ADAM11: variants seen among roughly 807,000 people sequenced by gnomAD.
The protein encoded by ADAM11 is disintegrin and metalloproteinase domain-containing protein 11.
Under a neutral mutation model 119.1 loss-of-function variants are expected in ADAM11, and 49 were observed. That is an observed-to-expected ratio of 0.41 (90% CI 0.33 to 0.52). ADAM11 has a LOEUF of 0.52. Among genes scored for constraint, ADAM11 ranks in the 20% least tolerant of loss-of-function variants. ADAM11 has a pLI of 0.20. For synonymous variants in ADAM11, 364 were observed against 408.0 expected, an observed-to-expected ratio of 0.89 and a Z score of 1.30; for missense variants, 777 against 1,047.5, an observed-to-expected ratio of 0.74 and a Z score of 3.56.
Position 44,775,535 on chromosome 17 carries a change from G to T in ADAM11, c.1393-49G>T. The stretch of plus-strand genomic sequence containing the variant: ...GTGGGCACGAGGGAGCGTCTGAGTG[G>T]GAGGATTAGGGCTCGCCCGCCTCCT... On this transcript the variant is annotated intron_variant, in intron 16 of 26. Coordinates refer to ENST00000200557, the MANE Select transcript of ADAM11 (RefSeq NM_002390.6). This position sits in a 1 kb window ranked among gnomAD's most constrained non-coding sequence, Gnocchi z 7.5. 6.4e-7 allele frequency: 1 copy of T among 1,565,562 alleles called. No homozygotes were observed.
At chr17:44,761,741 A>C (rs1019918523) in intron 2 of ADAM11, among the ~76,000 whole-genome samples, 7 of 151,872 alleles carry the variant, frequency 4.6e-5, no homozygotes, top group African/African-American at 1.7e-4. Flanking sequence ...AAAGCTGTGG[A>C]CTTCTATGGG....
chr17:44,760,881 G>A (rs1209334534), intron 2 of ADAM11, among the ~76,000 whole-genome samples: 1 of 152,134 alleles, frequency 6.6e-6, no homozygotes, highest in Non-Finnish European at 1.5e-5. Flanking sequence ...GGGGAGCAGA[G>A]GGGGATGCGG....
At chr17:44,771,413 G>A (rs988148555) in intron 4 of ADAM11, among the ~76,000 whole-genome samples, 171 bp from the exon 5 acceptor site, 2 of 152,120 alleles carry the variant, frequency 1.3e-5, no homozygotes, top group East Asian at 1.9e-4. Context: ...AGGGTGGCAC[G>A]GCAAATTAGG....
At position 44,777,120 on chromosome 17, in the gene ADAM11, G is replaced by T; in HGVS notation, c.1682-46G>T. On this transcript the variant is annotated intron_variant, in intron 20 of 26. Transcript: ENST00000200557. This position sits in a 1 kb window ranked among gnomAD's most constrained non-coding sequence, Gnocchi z 5.1. ...GGAGATGCAGGCCTGAGGTCTTGGGGTGGGTCCTGGGGCGCGTGGGGTCAC... is the reference window on the plus strand; with the variant it reads ...GGAGATGCAGGCCTGAGGTCTTGGGTTGGGTCCTGGGGCGCGTGGGGTCAC... 1 of 1,562,480 alleles carries T rather than the reference G, an allele frequency of 6.4e-7. No homozygotes were observed. The highest frequency in any genetic ancestry group is 8.7e-7 in the Non-Finnish European group (1 of 1,151,390).
chr17:44,759,403 G>C, intron 1 of ADAM11, 143 bp downstream of exon 1: 2 of 1,258,338 alleles, frequency 1.6e-6, no homozygotes, highest in South Asian at 5.7e-5. Flanking sequence ...AGCGGGAGAG[G>C]AGGGAAGGTG....
Position 44,780,009 on chromosome 17 carries a change from C to T in ADAM11, c.*255C>T. On this transcript the variant is annotated 3_prime_UTR_variant, in exon 27 of 27. Transcript: ENST00000200557. ...CGGCTCAGCCTTGCACACCCACTGCCCCGTGTGAATGTAGCTTCCACCTCA... is the reference window on the plus strand; with the variant it reads ...CGGCTCAGCCTTGCACACCCACTGCTCCGTGTGAATGTAGCTTCCACCTCA... The T allele has an allele frequency of 1.4e-6, 1 of 702,286 alleles. No homozygotes were observed. Among genetic ancestry groups the T allele is most frequent in the East Asian group, 2.7e-5 (1 of 37,112 alleles). The allele number at this position is 702,286 out of a possible 1,614,324, so 43.5% of individuals were successfully genotyped here.
chr17:44,768,918 G>A (rs1002377336), intron 2 of ADAM11, among the ~76,000 whole-genome samples: 3 of 152,180 alleles, frequency 2.0e-5, no homozygotes, highest in Non-Finnish European at 4.4e-5. Flanking sequence ...CCTGGGCCCT[G>A]CGGTTGCTGT....
At chr17:44,779,665 T>C in intron 26 of ADAM11, 74 bp from the exon 27 acceptor site, 3 of 1,545,054 alleles carry the variant, frequency 1.9e-6, no homozygotes, top group Non-Finnish European at 2.6e-6. Context: ...AGCACTGAGC[T>C]CCGGGGCCCT....
intron 2 of ADAM11, among the ~76,000 whole-genome samples, chr17:44,766,513 C>T (rs762220798): frequency 2.6e-5 from 4 of 152,116 alleles, no homozygotes; most frequent in Non-Finnish European, 5.9e-5. Flanking sequence ...AGAGGAGCCT[C>T]GGGTGGAAGG....
chr17:44,776,799 T>G lies in ADAM11; in HGVS notation c.1617+4T>G. 6.2e-7 allele frequency: 1 copy of G among 1,614,180 alleles called. No individual in the cohort carries two copies. Among genetic ancestry groups the G allele is most frequent in the South Asian group, 1.1e-5 (1 of 91,088 alleles). Reference sequence around the variant, plus strand: ...TTACTACTGTGACCATGAGCAGGTATGATGGCTGCCCCCTGAGCCTGGGAT... The same window carrying G: ...TTACTACTGTGACCATGAGCAGGTAGGATGGCTGCCCCCTGAGCCTGGGAT... On this transcript the variant is annotated splice_donor_region_variant and intron_variant, in intron 19 of 26. Coordinates refer to ENST00000200557, the MANE Select transcript of ADAM11 (RefSeq NM_002390.6). The surrounding 1 kb of genome is among the most constrained non-coding windows in gnomAD (Gnocchi z 5.2).
At position 44,777,651 on chromosome 17, in the gene ADAM11, G is replaced by A. The variant is rs2049622291; in HGVS notation, c.1902-44G>A. On this transcript the variant is annotated intron_variant, in intron 22 of 26. Coordinates refer to ENST00000200557, the MANE Select transcript of ADAM11 (RefSeq NM_002390.6). This position sits in a 1 kb window ranked among gnomAD's most constrained non-coding sequence, Gnocchi z 5.1. ...GAGGGGAGGTTGCAGCTGTGCTGGG[G>A]GTTAGGAGACAGGGGGCTGAGGCTG... 6.2e-7 allele frequency: 1 copy of A among 1,613,592 alleles called. No individual in the cohort carries two copies. Among genetic ancestry groups the A allele is most frequent in the African/African-American group, 1.3e-5 (1 of 75,020 alleles).
chr17:44,778,169 A>G lies in ADAM11; in HGVS notation c.2203A>G (p.Ile735Val), dbSNP rs2049632407. The G allele has an allele frequency of 1.9e-6, 3 of 1,613,792 alleles. No homozygotes were observed. The highest frequency in any genetic ancestry group is 3.3e-5 in the Admixed American group (2 of 59,958). The change falls in exon 25 of 27, where the codon ATC (isoleucine) becomes GTC (valine). Residue 735 changes from isoleucine to valine, a missense_variant. Physicochemically the swap from Ile to Val is conservative, Grantham distance 29. This residue lies in a region of ADAM11 where 348 missense variants were observed against 486.7 expected (regional missense o/e 0.72). Coordinates refer to ENST00000200557, the MANE Select transcript of ADAM11 (RefSeq NM_002390.6). ...ERYKGPSGTN[I>V]IIGSIAGAVL... ...CTCCCCAGGTCCCAGCGGCACCAAC[A>G]TCATCATTGGCTCCATTGCTGGGGC...
chr17:44,774,429 T>G, intron 12 of ADAM11, 50 bp downstream of exon 12: 3 of 1,576,480 alleles, frequency 1.9e-6, no homozygotes, highest in Non-Finnish European at 2.6e-6. Flanking sequence ...GAAAGGGGCT[T>G]CAGGGGCACG....
In ADAM11 at chr17:44,772,819, TGGAAG is replaced by T. The variant is rs769282688; in HGVS notation, c.679-34_679-30del. The T allele has an allele frequency of 3.1e-6, 5 of 1,591,840 alleles. No individual in the cohort carries two copies. The Admixed American group carries it at 8.4e-5, about 27-fold the overall frequency. On this transcript the variant is annotated intron_variant, in intron 8 of 26. Coordinates refer to ENST00000200557, the MANE Select transcript of ADAM11 (RefSeq NM_002390.6). This position sits in a 1 kb window ranked among gnomAD's most constrained non-coding sequence, Gnocchi z 4.5. ...GCTTGGCCATGAGATCAGTCAGACATGGAAGGGACTGATTCCAAGTGCCCACCCAC... is the reference window on the plus strand; with the variant it reads ...GCTTGGCCATGAGATCAGTCAGACATGGACTGATTCCAAGTGCCCACCCAC...
chr17:44,770,418 G>A (rs2049506995), intron 4 of ADAM11, among the ~76,000 whole-genome samples: 1 of 152,236 alleles, frequency 6.6e-6, no homozygotes, highest in Admixed American at 6.5e-5. Context: ...CCAGCTGCCT[G>A]GGACACTAGG....
Position 44,759,906 on chromosome 17 carries a change from G to T in ADAM11, c.237+9G>T. ...AGCCACCAGGGGGCCCGGTGAGTGGGGCTGGGTGGTGAGGCCAGGGGCTGA... is the reference window on the plus strand; with the variant it reads ...AGCCACCAGGGGGCCCGGTGAGTGGTGCTGGGTGGTGAGGCCAGGGGCTGA... On this transcript the variant is annotated intron_variant, in intron 2 of 26. Transcript: ENST00000200557. The T allele has an allele frequency of 7.8e-7, 1 of 1,284,532 alleles. No individual in the cohort carries two copies. The highest frequency in any genetic ancestry group is 9.9e-7 in the Non-Finnish European group (1 of 1,008,936). The allele number at this position is 1,284,532 out of a possible 1,614,324, so 79.6% of individuals were successfully genotyped here.
intron 2 of ADAM11, among the ~76,000 whole-genome samples, chr17:44,766,514 G>A (rs1481486575): frequency 6.6e-6 from 1 of 152,110 alleles, no homozygotes; most frequent in Non-Finnish European, 1.5e-5. Context: ...GAGGAGCCTC[G>A]GGTGGAAGGG....
At chr17:44,760,997 G>C (rs2049382079) in intron 2 of ADAM11, among the ~76,000 whole-genome samples, 1 of 149,260 alleles carries the variant, frequency 6.7e-6, no homozygotes, top group African/African-American at 2.5e-5. Flanking sequence ...AGGGGGAGGG[G>C]GCTAATGGTC....
In ADAM11 at chr17:44,777,935, C is replaced by T. The variant is rs754977341; in HGVS notation, c.2071-17C>T. 1.9e-6 allele frequency: 3 copies of T among 1,613,692 alleles called. No homozygotes were observed. The highest frequency in any genetic ancestry group is 2.5e-6 in the Non-Finnish European group (3 of 1,179,866). ...ACAGGCCCCTGCTCACCTCTCCTGG[C>T]CCTGCCCTGCCTCTAGGTCTGCAGC... is the stretch of plus-strand genomic sequence containing the variant. On this transcript the variant is annotated splice_polypyrimidine_tract_variant and intron_variant, in intron 23 of 26. Coordinates refer to ENST00000200557, the MANE Select transcript of ADAM11 (RefSeq NM_002390.6). This position sits in a 1 kb window ranked among gnomAD's most constrained non-coding sequence, Gnocchi z 5.1.
Sources: allele counts gnomAD v4.1 joint callset (sites outside exome capture counted in the v4.1 genomes callset), GRCh38; gene constraint gnomAD v4.1.1; regional missense constraint gnomAD v4.1.1; non-coding constraint Gnocchi (gnomAD v3.1); transcripts MANE v1.5; gene names NCBI Gene and HGNC (gene_info 2026-07-23, HGNC 2026-07-21).